SEMA3E: variants seen among roughly 807,000 people sequenced by gnomAD.
SEMA3E encodes the protein semaphorin-3E.
In SEMA3E, 49 loss-of-function variants were observed where a neutral mutation model predicts 93.6. The ratio of observed to expected loss-of-function variants is 0.52; its 90% CI spans 0.42 to 0.66. The LOEUF (loss-of-function observed/expected upper bound fraction) is 0.66, where lower values mean the gene tolerates loss of function less well. Ranked by LOEUF, SEMA3E falls within the 30% of genes least tolerant of loss-of-function variation. The probability of loss-of-function intolerance (pLI) is 0.00; values close to 1 mark genes in which losing one functional copy is unlikely to be tolerated. For synonymous variants in SEMA3E, 363 were observed against 330.7 expected (o/e 1.10, Z -1.06); for missense variants, 906 against 964.8 (o/e 0.94, Z 0.81).
At chr7:83,511,153 G>T (rs1790809274) in intron 1 of SEMA3E, among the ~76,000 whole-genome samples, 1 of 152,092 alleles carries the variant, frequency 6.6e-6, no homozygotes, top group Admixed American at 6.5e-5. Flanking sequence ...AGACCCTAAG[G>T]TAAGAAATCT....
chr7:83,639,129 AAAAAAAAAAAAC>A (rs763063610), intron 1 of SEMA3E, among the ~76,000 whole-genome samples: 21 of 139,506 alleles, frequency 1.5e-4, no homozygotes, highest in Middle Eastern at 3.6e-3. Flanking sequence ...AAAAAAAAAA[AAAAAAAAAAAAC>A]AGAGATTCCT....
At chr7:83,395,263 A>G (rs1788099471) in intron 12 of SEMA3E, among the ~76,000 whole-genome samples, 1 of 152,130 alleles carries the variant, frequency 6.6e-6, no homozygotes, top group Non-Finnish European at 1.5e-5. Context: ...AAAAAAGCAT[A>G]GCTGCTCCGG....
At position 83,458,973 on chromosome 7, in the gene SEMA3E, G is replaced by GTGTATATATA. The variant is rs57694179; in HGVS notation, c.456+7508_456+7509insTATATATACA. On this transcript the variant is annotated intron_variant, in intron 4 of 16. Transcript: ENST00000643230. ...TGTATATGTGTGTGTGTGTGTGTGT[G>GTGTATATATA]TATATATATATATACACACACTGAA... Among the ~76,000 whole-genome samples, 10 of 140,616 alleles carry GTGTATATATA rather than the reference G, an allele frequency of 7.1e-5. No individual in the cohort carries two copies. The South Asian group carries it at 1.3e-3, about 18-fold the overall frequency. The allele number at this position is 140,616 out of a possible 152,430, so 92.2% of individuals were successfully genotyped here.
At chr7:83,630,073 G>A (rs543031761) in intron 1 of SEMA3E, among the ~76,000 whole-genome samples, 263 of 152,254 alleles carry the variant, frequency 1.7e-3, no homozygotes, top group African/African-American at 6.1e-3. Flanking sequence ...TCCCTGTGAG[G>A]CAACACCCCA....
chr7:83,440,456 T>G (rs1562783769), intron 4 of SEMA3E, among the ~76,000 whole-genome samples: 2 of 152,204 alleles, frequency 1.3e-5, no homozygotes, highest in South Asian at 4.1e-4. Context: ...TCTTACTTGT[T>G]TATTGTGTTG....
At chr7:83,408,805 A>T (rs1246958688) in intron 5 of SEMA3E, among the ~76,000 whole-genome samples, 1 of 152,198 alleles carries the variant, frequency 6.6e-6, no homozygotes. Flanking sequence ...TAAGACCTAT[A>T]TGAGTTTTTG....
At chr7:83,542,034 T>C (rs1791546384) in intron 1 of SEMA3E, among the ~76,000 whole-genome samples, 1 of 152,022 alleles carries the variant, frequency 6.6e-6, no homozygotes, top group Non-Finnish European at 1.5e-5. Flanking sequence ...ACTCCTACTG[T>C]GTAGTGACTC....
At chr7:83,546,298 T>A (rs1374259629) in intron 1 of SEMA3E, among the ~76,000 whole-genome samples, 3 of 146,172 alleles carry the variant, frequency 2.1e-5, no homozygotes, top group South Asian at 2.2e-4. Flanking sequence ...TAATGAAACA[T>A]GTTAAGATGC....
chr7:83,558,253 T>A (rs774717280), intron 1 of SEMA3E, among the ~76,000 whole-genome samples: 1 of 152,176 alleles, frequency 6.6e-6, no homozygotes, highest in Non-Finnish European at 1.5e-5. Flanking sequence ...AAAGATGCCA[T>A]GTTCTGCCAC....
intron 2 of SEMA3E, among the ~76,000 whole-genome samples, chr7:83,480,970 C>T (rs1790132830): frequency 6.6e-6 from 1 of 151,780 alleles, no homozygotes; most frequent in African/African-American, 2.4e-5. Flanking sequence ...GATGTTCTTC[C>T]TCAATATAAA....
chr7:83,375,061 G>A (rs1384444812), intron 16 of SEMA3E, among the ~76,000 whole-genome samples: 1 of 152,014 alleles, frequency 6.6e-6, no homozygotes, highest in African/African-American at 2.4e-5. Context: ...GTGATTAATG[G>A]TTTATTCAAA....
At chr7:83,483,978 A>G (rs1324701339) in intron 2 of SEMA3E, among the ~76,000 whole-genome samples, 1 of 152,140 alleles carries the variant, frequency 6.6e-6, no homozygotes, top group Non-Finnish European at 1.5e-5. Context: ...CATACATCAC[A>G]TGGCTCTGTA....
At chr7:83,438,639 T>G (rs1419020233) in intron 4 of SEMA3E, among the ~76,000 whole-genome samples, 1 of 151,836 alleles carries the variant, frequency 6.6e-6, no homozygotes, top group African/African-American at 2.4e-5. Context: ...CACTGCATGA[T>G]AAGGCATAGC....
Position 83,617,086 on chromosome 7 carries a change from C to T in SEMA3E, c.115+31342G>A, listed in dbSNP as rs372048912. Among the ~76,000 whole-genome samples the T allele has an allele frequency of 7.9e-5, 12 of 152,152 alleles. 1 individual carries two copies. Among genetic ancestry groups the T allele is most frequent in the Admixed American group, 6.6e-5 (1 of 15,248 alleles). ...TAATCAATTTGGTTACAATACCAAACTATACATTAAGAATTATTGTTTTAA... is the reference window on the plus strand; with the variant it reads ...TAATCAATTTGGTTACAATACCAAATTATACATTAAGAATTATTGTTTTAA... On this transcript the variant is annotated intron_variant, in intron 1 of 16. Coordinates refer to ENST00000643230, the MANE Select transcript of SEMA3E (RefSeq NM_012431.3).
chr7:83,449,047 T>G (rs190544825), intron 4 of SEMA3E, among the ~76,000 whole-genome samples: 4 of 152,074 alleles, frequency 2.6e-5, no homozygotes, highest in African/African-American at 9.6e-5. Flanking sequence ...AGTTTAGGTT[T>G]GAATTTTTAT....
At chr7:83,545,676 C>T (rs940902510) in intron 1 of SEMA3E, among the ~76,000 whole-genome samples, 1 of 150,606 alleles carries the variant, frequency 6.6e-6, no homozygotes. Context: ...CTTGCCTCTA[C>T]TGGGGATAAG....
At chr7:83,615,642 C>A (rs1404460933) in intron 1 of SEMA3E, among the ~76,000 whole-genome samples, 1 of 152,024 alleles carries the variant, frequency 6.6e-6, no homozygotes, top group Non-Finnish European at 1.5e-5. Flanking sequence ...CACGCCCCAT[C>A]ATTTTTTACT....
In SEMA3E at chr7:83,459,449, G is replaced by C. The variant is rs1193920263; in HGVS notation, c.456+7033C>G. Reference sequence around the variant, plus strand: ...ATCACAAGAGGTAAATATTCTGACTGTGTATATACATACACACGTATATAC... The same window carrying C: ...ATCACAAGAGGTAAATATTCTGACTCTGTATATACATACACACGTATATAC... On this transcript the variant is annotated intron_variant, in intron 4 of 16. Coordinates refer to ENST00000643230, the MANE Select transcript of SEMA3E (RefSeq NM_012431.3). Among the ~76,000 whole-genome samples, 4 of 152,182 alleles carry C rather than the reference G, an allele frequency of 2.6e-5. No individual in the cohort carries two copies. The East Asian group carries it at 7.7e-4, about 29-fold the overall frequency.
chr7:83,546,168 A>T (rs1458366555), intron 1 of SEMA3E, among the ~76,000 whole-genome samples: 1 of 150,224 alleles, frequency 6.7e-6, no homozygotes. Context: ...TGATAGAATT[A>T]TCTATACCAG....
Sources: gnomAD v4.1 joint callset for allele counts (sites outside exome capture counted in the v4.1 genomes callset) on GRCh38, gnomAD v4.1.1 for gene constraint, MANE v1.5 for transcripts, NCBI Gene and HGNC (gene_info 2026-07-23, HGNC 2026-07-21) for gene names.